Variants in ASTN1 observed in about 807,000 individuals in gnomAD.
ASTN1 encodes the protein astrotactin-1.
ASTN1 carries 41 observed loss-of-function variants against 140.7 expected under a neutral mutation model. The ratio of observed to expected loss-of-function variants is 0.29; its 90% CI spans 0.23 to 0.38. The LOEUF is 0.38. Among genes scored for constraint, ASTN1 ranks in the 10% least tolerant of loss-of-function variants. The pLI is 1.00. For missense variants in ASTN1, 1,479 were observed against 1,678.8 expected, an observed-to-expected ratio of 0.88 and a Z score of 2.08; for synonymous variants, 640 against 652.2, an observed-to-expected ratio of 0.98 and a Z score of 0.29.
intron 16 of ASTN1, among the ~76,000 whole-genome samples, chr1:176,926,358 T>C (rs1461441337): frequency 6.6e-6 from 1 of 151,320 alleles, no homozygotes. Context: ...AACCTACATA[T>C]CTAGTTTACT....
At chr1:176,935,933 T>A in intron 15 of ASTN1, 1 of 377,914 alleles carries the variant, frequency 2.6e-6, no homozygotes, top group Non-Finnish European at 5.1e-6. Flanking sequence ...TTTGGAATGC[T>A]TAATTCTCTC....
intron 8 of ASTN1, among the ~76,000 whole-genome samples, chr1:177,005,605 GAA>G (rs1203874504): frequency 1.3e-5 from 2 of 152,084 alleles, no homozygotes; most frequent in Admixed American, 1.3e-4. Context: ...AGTGAATAAA[GAA>G]AATGTTTTTT....
intron 1 of ASTN1, among the ~76,000 whole-genome samples, chr1:177,118,049 T>G (rs1681185533): frequency 6.6e-6 from 1 of 152,230 alleles, no homozygotes; most frequent in African/African-American, 2.4e-5. Flanking sequence ...CATTCTGCTT[T>G]GTATCATATT....
intron 22 of ASTN1, among the ~76,000 whole-genome samples, chr1:176,868,637 G>A (rs967283609): frequency 1.3e-5 from 2 of 152,260 alleles, no homozygotes; most frequent in South Asian, 2.1e-4. Context: ...CAGAGTTCAG[G>A]AAAAGCATTC....
intron 6 of ASTN1, 63 bp from the exon 7 acceptor site, chr1:177,023,634 C>G (rs963645024): frequency 4.8e-6 from 7 of 1,453,658 alleles, no homozygotes; most frequent in Non-Finnish European, 6.4e-6. Flanking sequence ...CACAAGCCAC[C>G]GAAGACAAGG....
At chr1:177,084,571 C>T (rs940661128) in intron 1 of ASTN1, among the ~76,000 whole-genome samples, 1 of 152,018 alleles carries the variant, frequency 6.6e-6, no homozygotes, top group Admixed American at 6.6e-5. Flanking sequence ...TCATTTCATA[C>T]TCTTTCCATC....
In ASTN1 at chr1:176,949,321, T is replaced by A; in HGVS notation, c.1918A>T (p.Ser640Cys). 6.2e-7 allele frequency: 1 copy of A among 1,614,082 alleles called. No individual in the cohort carries two copies. The highest frequency in any genetic ancestry group is 1.3e-5 in the African/African-American group (1 of 75,062). ...CPSGLSPMKD[S>C]SGCYDRHIGV... ...ATGTGGCGGTCATAGCAGCCAGAGC[T>A]GTCCTTCATGGGACTGAGTCCAGAT... Residue 640 changes from serine (S) to cysteine (C), a missense_variant, in exon 12 of 23, where the codon AGC becomes TGC. Physicochemically the swap from Ser to Cys is moderately radical, Grantham distance 112. Around this residue, in one of 3 missense-constraint regions of ASTN1, gnomAD observed 729 missense variants for 860.4 expected, o/e 0.85. Transcript: ENST00000361833.
chr1:176,868,732 T>C (rs1467141377), intron 22 of ASTN1, 112 bp downstream of exon 22: 2 of 1,194,692 alleles, frequency 1.7e-6, no homozygotes, highest in Admixed American at 2.7e-5. Flanking sequence ...ACTTCTCTGA[T>C]TGCCTAAGCT....
intron 1 of ASTN1, among the ~76,000 whole-genome samples, chr1:177,066,683 C>G (rs1410808371): frequency 6.6e-6 from 1 of 152,202 alleles, no homozygotes; most frequent in African/African-American, 2.4e-5. Flanking sequence ...AATACAACCT[C>G]ATTGAGGACC....
chr1:176,889,288 G>A (rs894221187), intron 17 of ASTN1, among the ~76,000 whole-genome samples: 1 of 152,222 alleles, frequency 6.6e-6, no homozygotes, highest in Non-Finnish European at 1.5e-5. Flanking sequence ...GCTGCAGGGA[G>A]CATGGCTGGT....
intron 8 of ASTN1, among the ~76,000 whole-genome samples, chr1:176,978,510 T>C (rs1673465576): frequency 6.6e-6 from 1 of 152,126 alleles, no homozygotes; most frequent in Admixed American, 6.5e-5. Flanking sequence ...TTTTAAGCAG[T>C]GGTCGAGGAA....
intron 1 of ASTN1, among the ~76,000 whole-genome samples, chr1:177,123,550 A>AC (rs1681499793): frequency 6.6e-6 from 1 of 152,060 alleles, no homozygotes. Flanking sequence ...ATATATAATA[A>AC]CCCTGACTCA....
chr1:176,882,918 G>A lies in ASTN1; in HGVS notation c.3303C>T (p.Asp1101=), dbSNP rs1274006748. 3 of 1,614,046 alleles carry A rather than the reference G, an allele frequency of 1.9e-6. No individual in the cohort carries two copies. The highest frequency in any genetic ancestry group is 1.1e-5 in the South Asian group (1 of 91,092). ...SPCAMPSQVP[D]KQLTTISLII... is the part of the protein sequence containing the mutation. ...TCAGAGAGATGGTGGTGAGCTGCTT[G>A]TCCGGCACCTGAGATGGCATTGCAC... The change falls in exon 20 of 23, where the codon GAC becomes GAT. Residue 1101 remains aspartate (D), a synonymous_variant. Transcript: ENST00000361833.
chr1:177,113,551 G>A (rs1680922799), intron 1 of ASTN1, among the ~76,000 whole-genome samples: 2 of 152,116 alleles, frequency 1.3e-5, no homozygotes, highest in South Asian at 4.2e-4. Flanking sequence ...GCCTGAGCTG[G>A]GCTCATTTTT....
chr1:177,122,010 C>T (rs112119360), intron 1 of ASTN1, among the ~76,000 whole-genome samples: 1 of 152,072 alleles, frequency 6.6e-6, no homozygotes, highest in African/African-American at 2.4e-5. Context: ...TTTCTTGGCT[C>T]GAGCAGAAGG....
At chr1:176,898,050 GTCAT>G (rs1378450276) in intron 16 of ASTN1, among the ~76,000 whole-genome samples, 1 of 152,188 alleles carries the variant, frequency 6.6e-6, no homozygotes, top group Non-Finnish European at 1.5e-5. Flanking sequence ...GCTGGGTCCT[GTCAT>G]AGCTGTAAAC....
chr1:177,116,482 A>C (rs1264779010), intron 1 of ASTN1, among the ~76,000 whole-genome samples: 1 of 152,166 alleles, frequency 6.6e-6, no homozygotes, highest in African/African-American at 2.4e-5. Flanking sequence ...GCTCGTAAAC[A>C]TACACCCATT....
At chr1:176,871,288 C>T (rs1668332301) in intron 21 of ASTN1, among the ~76,000 whole-genome samples, 1 of 152,154 alleles carries the variant, frequency 6.6e-6, no homozygotes, top group South Asian at 2.1e-4. Flanking sequence ...GGAGCGCTTG[C>T]TGAGAGAAGA....
At chr1:177,146,111 T>C (rs1473393426) in intron 1 of ASTN1, among the ~76,000 whole-genome samples, 1 of 152,170 alleles carries the variant, frequency 6.6e-6, no homozygotes, top group Non-Finnish European at 1.5e-5. Context: ...AAAAAAAACC[T>C]ATATTTTCCA....
Sources: allele counts gnomAD v4.1 joint callset (sites outside exome capture counted in the v4.1 genomes callset), GRCh38; gene constraint gnomAD v4.1.1; regional missense constraint gnomAD v4.1.1; transcripts MANE v1.5; gene names NCBI Gene and HGNC (gene_info 2026-07-23, HGNC 2026-07-21).